ROBO1: variants seen among roughly 807,000 people sequenced by gnomAD.
ROBO1 encodes the protein roundabout homolog 1.
ROBO1 carries 149 observed loss-of-function variants against 195.9 expected under a neutral mutation model. The ratio of observed to expected loss-of-function variants is 0.76; its 90% CI spans 0.67 to 0.87. ROBO1 has a LOEUF of 0.87. Among genes scored for constraint, ROBO1 ranks in the 40% least tolerant of loss-of-function variants. The probability of loss-of-function intolerance (pLI) is 0.00; values close to 1 mark genes in which losing one functional copy is unlikely to be tolerated. For synonymous variants in ROBO1, 816 were observed against 733.2 expected (o/e 1.11, Z -1.82); for missense variants, 1,933 against 2,068.3 (o/e 0.93, Z 1.27).
intron 2 of ROBO1, among the ~76,000 whole-genome samples, chr3:79,216,169 T>A (rs2108814222): frequency 6.6e-6 from 1 of 152,232 alleles, no homozygotes; most frequent in East Asian, 1.9e-4. Context: ...TTTCATCAAA[T>A]AATTTTTTTA....
Position 78,806,013 on chromosome 3 carries a change from A to AC in ROBO1, c.500-59114dup, listed in dbSNP as rs569557251. On this transcript the variant is annotated intron_variant, in intron 4 of 30. Transcript: ENST00000464233. ...TTGGCTTTGTCACCCATGCTGGAGT[A>AC]CAGTGGCACAATCATACCTCACTGT... Among the ~76,000 whole-genome samples, 9 of 152,258 alleles carry AC rather than the reference A, an allele frequency of 5.9e-5. No homozygotes were observed. In the South Asian group the frequency reaches 1.9e-3, roughly 32 times the overall value.
rs140083952 is a variant in ROBO1 at position 79,641,893 on chromosome 3, C to A, written c.-50-51932G>T. Among the ~76,000 whole-genome samples the A allele has an allele frequency of 3.2e-3, 487 of 152,178 alleles. 2 individuals are homozygous for A. The highest frequency in any genetic ancestry group is 0.011 in the African/African-American group (465 of 41,532). Reference sequence around the variant, plus strand: ...ACTTAGCCAGGCATGAGGCCTGGTACCTGTAGTCCCAGCTATTCAGGAGGT... The same window carrying A: ...ACTTAGCCAGGCATGAGGCCTGGTAACTGTAGTCCCAGCTATTCAGGAGGT... On this transcript the variant is annotated intron_variant, in intron 1 of 30. Transcript: ENST00000464233.
intron 4 of ROBO1, among the ~76,000 whole-genome samples, chr3:78,859,896 C>T (rs1038003128): frequency 4.6e-5 from 7 of 151,964 alleles, no homozygotes; most frequent in East Asian, 1.9e-4. Context: ...CTGGCTAACA[C>T]GGTGAAACCC....
At position 79,231,022 on chromosome 3, in the gene ROBO1, G is replaced by A. The variant is rs749894197; in HGVS notation, c.89-105483C>T. Among the ~76,000 whole-genome samples the A allele has an allele frequency of 1.5e-3, 222 of 152,172 alleles. 2 individuals are homozygous for A. The highest frequency in any genetic ancestry group is 2.1e-3 in the Non-Finnish European group (145 of 68,006). ...TGGGATAACTGACTAGCTGTATGCCGAAGACTGAAGCTGGACCCCTTCCTT... is the reference window on the plus strand; with the variant it reads ...TGGGATAACTGACTAGCTGTATGCCAAAGACTGAAGCTGGACCCCTTCCTT... On this transcript the variant is annotated intron_variant, in intron 2 of 30. Transcript: ENST00000464233.
At chr3:79,690,435 G>A (rs1414348883) in intron 1 of ROBO1, among the ~76,000 whole-genome samples, 1 of 151,890 alleles carries the variant, frequency 6.6e-6, no homozygotes, top group Non-Finnish European at 1.5e-5. Flanking sequence ...ACTGCTAGAA[G>A]TGGGAAAAGG....
chr3:79,753,867 A>G (rs1352360878), intron 1 of ROBO1, among the ~76,000 whole-genome samples: 1 of 152,194 alleles, frequency 6.6e-6, no homozygotes, highest in African/African-American at 2.4e-5. Flanking sequence ...TTGAAATAGG[A>G]TGAAGTCTGA....
At chr3:79,043,328 T>C (rs1365030037) in intron 3 of ROBO1, among the ~76,000 whole-genome samples, 2 of 152,120 alleles carry the variant, frequency 1.3e-5, no homozygotes, top group Non-Finnish European at 2.9e-5. Context: ...TTTATGAACT[T>C]GCTCTTCTCA....
At chr3:79,442,792 C>T (rs1002848906) in intron 2 of ROBO1, among the ~76,000 whole-genome samples, 2 of 152,190 alleles carry the variant, frequency 1.3e-5, no homozygotes, top group Non-Finnish European at 2.9e-5. Flanking sequence ...GACCTCCTCA[C>T]TCTTGCTTAG....
chr3:79,497,568 CAATT>C (rs1370935038), intron 2 of ROBO1, among the ~76,000 whole-genome samples: 2 of 152,084 alleles, frequency 1.3e-5, no homozygotes, highest in Non-Finnish European at 2.9e-5. Context: ...ATAAAAATAA[CAATT>C]AATGCTGACC....
chr3:79,600,007 A>G (rs1011839253), intron 1 of ROBO1, among the ~76,000 whole-genome samples: 1 of 151,902 alleles, frequency 6.6e-6, no homozygotes, highest in Non-Finnish European at 1.5e-5. Context: ...AAGTATACTC[A>G]TGTACACCAA....
intron 1 of ROBO1, among the ~76,000 whole-genome samples, chr3:79,724,546 A>G (rs1469321124): frequency 6.6e-6 from 1 of 152,184 alleles, no homozygotes; most frequent in Non-Finnish European, 1.5e-5. Context: ...TAGCTTTTAC[A>G]TGTGATAAGA....
intron 5 of ROBO1, among the ~76,000 whole-genome samples, chr3:78,746,011 A>G (rs753337347): frequency 6.6e-6 from 1 of 152,218 alleles, no homozygotes; most frequent in Non-Finnish European, 1.5e-5. Context: ...TGCATGCTGA[A>G]CAAAGAGAAT....
intron 2 of ROBO1, among the ~76,000 whole-genome samples, chr3:79,514,919 T>A (rs1009924565): frequency 6.6e-6 from 1 of 152,320 alleles, no homozygotes; most frequent in South Asian, 2.1e-4. Context: ...TTTAGAACAT[T>A]TTACAAATAT....
Position 79,730,900 on chromosome 3 carries a change from T to C in ROBO1, c.-51+36852A>G, listed in dbSNP as rs1005079842. On this transcript the variant is annotated intron_variant, in intron 1 of 30. Coordinates refer to ENST00000464233, the MANE Select transcript of ROBO1 (RefSeq NM_002941.4). ...TCACGCCATTCTCCTGCCTCAGCCT[T>C]CCAAGTAGCTGGGACTACAGGTGCC... Among the ~76,000 whole-genome samples, 4 of 150,102 alleles carry C rather than the reference T, an allele frequency of 2.7e-5. No homozygotes were observed. In the Admixed American group the frequency reaches 2.7e-4, roughly 10 times the overall value.
chr3:78,605,463 T>G (rs1185214759), intron 29 of ROBO1, among the ~76,000 whole-genome samples: 1 of 152,226 alleles, frequency 6.6e-6, no homozygotes, highest in South Asian at 2.1e-4. Context: ...ACAACAGAAG[T>G]AAGCAAATGG....
intron 2 of ROBO1, among the ~76,000 whole-genome samples, chr3:79,434,756 A>G (rs923168016): frequency 1.7e-4 from 26 of 152,178 alleles, no homozygotes; most frequent in African/African-American, 6.3e-4. Context: ...GTAAAGACAC[A>G]TGCACACGTA....
At chr3:79,377,528 G>T (rs533816302) in intron 2 of ROBO1, among the ~76,000 whole-genome samples, 1 of 152,234 alleles carries the variant, frequency 6.6e-6, no homozygotes, top group Non-Finnish European at 1.5e-5. Context: ...TAATAGAATT[G>T]CACCTCCTTT....
At chr3:79,466,248 C>A (rs1483884441) in intron 2 of ROBO1, among the ~76,000 whole-genome samples, 4 of 151,994 alleles carry the variant, frequency 2.6e-5, no homozygotes, top group African/African-American at 4.8e-5. Context: ...GTATGGCTTC[C>A]TTTAAGAAAT....
intron 4 of ROBO1, among the ~76,000 whole-genome samples, chr3:78,926,832 A>G (rs9872429): frequency 0.039 from 5,981 of 152,274 alleles, 350 homozygotes; most frequent in African/African-American, 0.13. Context: ...GAATAAGAGG[A>G]AAATCATATA....
Sources: gnomAD v4.1 joint callset for allele counts (sites outside exome capture counted in the v4.1 genomes callset) on GRCh38, gnomAD v4.1.1 for gene constraint, MANE v1.5 for transcripts, NCBI Gene and HGNC (gene_info 2026-07-23, HGNC 2026-07-21) for gene names.